FCHO2: variants seen among roughly 807,000 people sequenced by gnomAD.
The protein encoded by FCHO2 is FCH and mu domain containing endocytic adaptor 2.
FCHO2 carries 43 observed loss-of-function variants against 114.1 expected under a neutral mutation model. The ratio of observed to expected loss-of-function variants is 0.38; its 90% CI spans 0.30 to 0.49. The LOEUF (loss-of-function observed/expected upper bound fraction) is 0.49. Ranked by LOEUF, FCHO2 falls within the 20% of genes least tolerant of loss-of-function variation. FCHO2 has a pLI of 0.97. For synonymous variants in FCHO2, 293 were observed against 315.2 expected, an observed-to-expected ratio of 0.93 and a Z score of 0.75; for missense variants, 807 against 950.4, an observed-to-expected ratio of 0.85 and a Z score of 1.98.
chr5:72,966,879 C>T (rs1413922127), intron 1 of FCHO2, among the ~76,000 whole-genome samples: 6 of 152,144 alleles, frequency 3.9e-5, no homozygotes, highest in Admixed American at 2.6e-4. Context: ...TTTATTTCAT[C>T]GAATAAATTG....
chr5:73,076,543 T>G (rs1374418178), intron 20 of FCHO2, among the ~76,000 whole-genome samples: 2 of 152,192 alleles, frequency 1.3e-5, no homozygotes, highest in Non-Finnish European at 2.9e-5. Flanking sequence ...AACAATCACA[T>G]GAATGAAGTC....
intron 10 of FCHO2, among the ~76,000 whole-genome samples, chr5:73,040,827 G>A (rs1289962974): frequency 2.6e-5 from 4 of 152,016 alleles, no homozygotes; most frequent in Non-Finnish European, 5.9e-5. Context: ...GTAGTTTTGG[G>A]TTTTCAGACT....
chr5:72,982,024 C>G (rs906083487), intron 2 of FCHO2, among the ~76,000 whole-genome samples: 1 of 151,990 alleles, frequency 6.6e-6, no homozygotes, highest in Non-Finnish European at 1.5e-5. Context: ...TGCTTGAAAC[C>G]CAGGGCCCTG....
intron 8 of FCHO2, among the ~76,000 whole-genome samples, chr5:73,028,172 G>C (rs960835729): frequency 6.6e-6 from 1 of 152,294 alleles, no homozygotes; most frequent in African/African-American, 2.4e-5. Flanking sequence ...ACTCCAGCCT[G>C]GGTGACAGGG....
intron 11 of FCHO2, among the ~76,000 whole-genome samples, chr5:73,050,099 A>G (rs530865252): frequency 2.0e-5 from 3 of 152,244 alleles, no homozygotes; most frequent in East Asian, 3.9e-4. Context: ...CATCATATAT[A>G]TCTTTAAAAC....
intron 23 of FCHO2, 127 bp downstream of exon 23, chr5:73,082,109 C>A: frequency 2.8e-6 from 2 of 723,622 alleles, no homozygotes; most frequent in Non-Finnish European, 4.3e-6. Context: ...ATAGAAACCA[C>A]GCTGTAAAAG....
Position 73,052,353 on chromosome 5 carries a change from A to G in FCHO2, c.1019A>G (p.Tyr340Cys), listed in dbSNP as rs562324153. ...NQNDTKENHF[Y>C]SSSDSDSEDE... ...TCACATACCAAAGAGAACCATTTCT[A>G]CTCATCTAGTGATTCTGACTCCGAA... The change falls in exon 13 of 26, where the codon TAC becomes TGC. Residue 340 changes from tyrosine (Y) to cysteine (C), a missense_variant. Physicochemically the swap from Tyr to Cys is radical, Grantham distance 194. Coordinates refer to ENST00000430046, the MANE Select transcript of FCHO2 (RefSeq NM_138782.3). The G allele has an allele frequency of 3.1e-6, 5 of 1,608,478 alleles. No individual in the cohort carries two copies. In the South Asian group the frequency reaches 4.5e-5, roughly 14 times the overall value.
chr5:73,008,112 G>T (rs576876060), intron 6 of FCHO2, among the ~76,000 whole-genome samples: 5 of 152,144 alleles, frequency 3.3e-5, no homozygotes, highest in Non-Finnish European at 7.4e-5. Context: ...CATTAGGTTG[G>T]TGCAAAAGTA....
chr5:73,050,047 T>C (rs1757269290), intron 11 of FCHO2, among the ~76,000 whole-genome samples: 1 of 152,134 alleles, frequency 6.6e-6, no homozygotes, highest in South Asian at 2.1e-4. Context: ...ACATTATATA[T>C]ATCTTTACAC....
At chr5:72,971,581 A>T (rs1426767651) in intron 2 of FCHO2, among the ~76,000 whole-genome samples, 8 of 151,962 alleles carry the variant, frequency 5.3e-5, no homozygotes, top group Admixed American at 2.0e-4. Context: ...GTTTGAGTTC[A>T]TTGTAGATTC....
intron 1 of FCHO2, among the ~76,000 whole-genome samples, chr5:72,959,152 A>C (rs752062956): frequency 6.6e-6 from 1 of 152,192 alleles, no homozygotes; most frequent in Non-Finnish European, 1.5e-5. Context: ...GGCTGTGAGG[A>C]GGCTCAGTGA....
At chr5:72,975,047 A>T (rs1752782023) in intron 2 of FCHO2, among the ~76,000 whole-genome samples, 1 of 152,184 alleles carries the variant, frequency 6.6e-6, no homozygotes, top group African/African-American at 2.4e-5. Flanking sequence ...CTTATTCTTT[A>T]GAGCTCAGCA....
At chr5:73,086,795 T>A (rs1743327579) in intron 24 of FCHO2, among the ~76,000 whole-genome samples, 1 of 152,152 alleles carries the variant, frequency 6.6e-6, no homozygotes, top group Non-Finnish European at 1.5e-5. Context: ...ACCACTCTAG[T>A]CTCATCTGCC....
chr5:72,956,182 C>T, intron 1 of FCHO2, 53 bp downstream of exon 1: 2 of 1,518,518 alleles, frequency 1.3e-6, no homozygotes, highest in South Asian at 1.2e-5. Context: ...GCTTTTGGCG[C>T]CTGAGCTTGG....
chr5:72,959,589 C>T (rs1250855202), intron 1 of FCHO2, among the ~76,000 whole-genome samples: 2 of 152,130 alleles, frequency 1.3e-5, no homozygotes, highest in East Asian at 3.9e-4. Flanking sequence ...TAACTCTTCC[C>T]TCTAGCATTT....
intron 2 of FCHO2, among the ~76,000 whole-genome samples, chr5:72,968,919 A>G (rs1290581952): frequency 6.6e-6 from 1 of 152,178 alleles, no homozygotes; most frequent in Non-Finnish European, 1.5e-5. Context: ...TAACCATGCT[A>G]AAATAATTAG....
At chr5:73,034,633 G>T (rs752455440) in intron 8 of FCHO2, 24 bp from the exon 9 acceptor site, 1 of 1,570,196 alleles carries the variant, frequency 6.4e-7, no homozygotes, top group East Asian at 2.3e-5. Flanking sequence ...TCTACTAGAA[G>T]TTTTTCAATT....
chr5:72,990,604 A>G lies in FCHO2; in HGVS notation c.327A>G (p.Val109=), dbSNP rs369569475. The change falls in exon 4 of 26, where the codon GTA becomes GTG. Residue 109 remains valine, a synonymous_variant. Transcript: ENST00000430046. ...TTCAGAAGTATGGAGAAGAACAAGT[A>G]AAGTCTCATAAAAAGGTATCAGTTT... ...KEVQKYGEEQ[V]KSHKKTKEEV... is the part of the protein sequence containing the mutation. 29 of 1,532,592 alleles carry G rather than the reference A, an allele frequency of 1.9e-5. No homozygotes were observed. Among genetic ancestry groups the G allele is most frequent in the Non-Finnish European group, 2.4e-5 (27 of 1,144,568 alleles). The allele number at this position is 1,532,592 out of a possible 1,614,324, so 94.9% of individuals were successfully genotyped here. A position where few individuals can be genotyped will look rare whatever the true frequency, so the allele number is the denominator to read the frequency against.
intron 1 of FCHO2, among the ~76,000 whole-genome samples, chr5:72,956,728 A>C (rs1338635275): frequency 6.6e-6 from 1 of 152,152 alleles, no homozygotes; most frequent in Non-Finnish European, 1.5e-5. Context: ...AGCGTTTAAA[A>C]GTTGGATTTA....
Sources: gnomAD v4.1 joint callset for allele counts (sites outside exome capture counted in the v4.1 genomes callset) on GRCh38, gnomAD v4.1.1 for gene constraint, MANE v1.5 for transcripts, NCBI Gene and HGNC (gene_info 2026-07-23, HGNC 2026-07-21) for gene names.